ARFGEF1: variants seen among roughly 807,000 people sequenced by gnomAD.
The protein encoded by ARFGEF1 is ARF guanine nucleotide exchange factor 1.
Under a neutral mutation model 231.0 loss-of-function variants are expected in ARFGEF1, and 42 were observed. The observed-to-expected ratio is 0.18, with a 90% confidence interval of 0.14 to 0.24. The LOEUF (loss-of-function observed/expected upper bound fraction) is 0.24, where lower values mean the gene tolerates loss of function less well. ARFGEF1 is among the 10% of genes least tolerant of loss of function. ARFGEF1 has a pLI of 1.00. For missense variants in ARFGEF1, 1,345 were observed against 2,192.0 expected (o/e 0.61, Z 7.72); for synonymous variants, 710 against 732.3 (o/e 0.97, Z 0.49).
intron 16 of ARFGEF1, 46 bp downstream of exon 16, chr8:67,258,039 G>A: frequency 2.0e-6 from 3 of 1,517,516 alleles, no homozygotes; most frequent in African/African-American, 1.4e-5. Flanking sequence ...CTAGCACAGT[G>A]GTTTGGATAT....
chr8:67,273,843 T>C (rs779754966), intron 9 of ARFGEF1, among the ~76,000 whole-genome samples: 13 of 152,202 alleles, frequency 8.5e-5, no homozygotes, highest in Non-Finnish European at 1.6e-4. Context: ...CCTCCTGTTC[T>C]AGTCTTCCAA....
rs1805920786 is a variant in ARFGEF1 at position 67,289,617 on chromosome 8, G to C, written c.917-1552C>G. Among the ~76,000 whole-genome samples the C allele has an allele frequency of 3.3e-5, 5 of 149,708 alleles. No homozygotes were observed. In the South Asian group the frequency reaches 1.1e-3, roughly 32 times the overall value. On this transcript the variant is annotated intron_variant, in intron 6 of 38. Transcript: ENST00000262215. ...AAAAGGACCACTACTTATAATAGTG[G>C]CTTCTAGGTGCCTGTCCTCCCTATA...
intron 1 of ARFGEF1, among the ~76,000 whole-genome samples, chr8:67,331,988 A>T (rs1431771696): frequency 1.3e-5 from 2 of 152,226 alleles, no homozygotes. Flanking sequence ...AAACTCTGCA[A>T]GGGATTAATT....
intron 33 of ARFGEF1, among the ~76,000 whole-genome samples, chr8:67,212,711 G>T (rs1001093597): frequency 6.7e-6 from 1 of 150,302 alleles, no homozygotes; most frequent in Admixed American, 6.6e-5. Context: ...ATGGGCCTGT[G>T]TTACCAGAAA....
chr8:67,291,511 G>A (rs1806009301), intron 6 of ARFGEF1, among the ~76,000 whole-genome samples: 1 of 150,192 alleles, frequency 6.7e-6, no homozygotes. Flanking sequence ...TAGGTCACTT[G>A]TTTGCTATGA....
rs367655777 is a variant in ARFGEF1, at chr8:67,300,270, T to C, written c.313-915A>G. Among the ~76,000 whole-genome samples, 17 of 152,312 alleles carry C rather than the reference T, an allele frequency of 1.1e-4. 1 individual carries two copies. The East Asian group carries it at 2.7e-3, about 24-fold the overall frequency. On this transcript the variant is annotated intron_variant, in intron 3 of 38. Coordinates refer to ENST00000262215, the MANE Select transcript of ARFGEF1 (RefSeq NM_006421.5). ...AACCTATCCTTAAGGACAAATAATA[T>C]GGTCTTTTCCTAGCTACTGAATTAT...
At chr8:67,334,866 A>G (rs1440424204) in intron 1 of ARFGEF1, among the ~76,000 whole-genome samples, 1 of 152,188 alleles carries the variant, frequency 6.6e-6, no homozygotes, top group East Asian at 1.9e-4. Flanking sequence ...GACAGAAAAT[A>G]GATTAGTGAA....
In ARFGEF1 at chr8:67,217,933, A is replaced by G. The variant is rs765830972; in HGVS notation, c.4475-13T>C. ...AACTGCTCATTGTCTAGGAAAGAAA[A>G]GAGCAATTCATTTATATATTACCAG... On this transcript the variant is annotated splice_polypyrimidine_tract_variant and intron_variant, in intron 31 of 38. Transcript: ENST00000262215. 1 of 1,613,376 alleles carries G rather than the reference A, an allele frequency of 6.2e-7. No homozygotes were observed. Among genetic ancestry groups the G allele is most frequent in the Admixed American group, 1.7e-5 (1 of 59,970 alleles).
At chr8:67,342,131 T>C (rs185177836) in intron 1 of ARFGEF1, among the ~76,000 whole-genome samples, 2 of 152,354 alleles carry the variant, frequency 1.3e-5, no homozygotes, top group Admixed American at 6.5e-5. Flanking sequence ...CAAGCTTCCT[T>C]TTCTTGCCAA....
At chr8:67,283,221 C>T (rs1308539384) in intron 7 of ARFGEF1, among the ~76,000 whole-genome samples, 2 of 152,026 alleles carry the variant, frequency 1.3e-5, no homozygotes, top group African/African-American at 4.8e-5. Context: ...ATTCATACAC[C>T]TTGATCAAGC....
intron 5 of ARFGEF1, among the ~76,000 whole-genome samples, chr8:67,192,442 A>G (rs1836618210): frequency 6.6e-6 from 1 of 152,116 alleles, no homozygotes; most frequent in Non-Finnish European, 1.5e-5. Flanking sequence ...TTCTCACTAC[A>G]AGTCTAGTTA....
chr8:67,197,517 AG>A (rs1838101943), downstream of ARFGEF1: 2 of 635,130 alleles, frequency 3.1e-6, no homozygotes. Flanking sequence ...CAGTGTAAGG[AG>A]GATCTAATGC....
Position 67,253,528 on chromosome 8 carries a change from T to C in ARFGEF1, c.2621A>G (p.Tyr874Cys), listed in dbSNP as rs755810202. The change falls in exon 18 of 39, where the codon TAT (tyrosine) becomes TGT (cysteine). Residue 874 changes from tyrosine to cysteine, a missense_variant. Around this residue, in one of 14 missense-constraint regions of ARFGEF1, gnomAD observed 58 missense variants for 133.6 expected, o/e 0.43. Transcript: ENST00000262215. Reference sequence around the variant, plus strand: ...TATCTTTTTCCCAGCTATTTCATTATAGATGGCTGATAGATACTCTTCAGG... The same window carrying C: ...TATCTTTTTCCCAGCTATTTCATTACAGATGGCTGATAGATACTCTTCAGG... The part of the protein sequence containing the change: ...DLPEEYLSAI[Y>C]NEIAGKKISM... 1 of 1,586,644 alleles carries C rather than the reference T, an allele frequency of 6.3e-7. No homozygotes were observed.
At chr8:67,268,969 G>A (rs773193169) in intron 10 of ARFGEF1, among the ~76,000 whole-genome samples, 1 of 151,928 alleles carries the variant, frequency 6.6e-6, no homozygotes, top group Non-Finnish European at 1.5e-5. Flanking sequence ...AAGAGAGAGG[G>A]AAGAAAAAAT....
At chr8:67,246,575 A>G (rs1429858245) in intron 19 of ARFGEF1, among the ~76,000 whole-genome samples, 1 of 150,408 alleles carries the variant, frequency 6.6e-6, no homozygotes. Context: ...ATGAAGACAC[A>G]ACGTACCCAA....
intron 9 of ARFGEF1, 62 bp from the exon 10 acceptor site, chr8:67,271,998 TG>T: frequency 3.0e-6 from 3 of 1,004,794 alleles, no homozygotes; most frequent in Non-Finnish European, 2.9e-6. Flanking sequence ...AATAACAGGT[TG>T]TTCCAAAAAT....
intron 7 of ARFGEF1, among the ~76,000 whole-genome samples, chr8:67,286,130 G>A (rs1453974098): frequency 6.6e-6 from 1 of 152,196 alleles, no homozygotes; most frequent in Admixed American, 6.5e-5. Flanking sequence ...TCTTATTGGA[G>A]AAGATATATG....
In ARFGEF1 at chr8:67,267,240, T is replaced by C. The variant is rs1364300628; in HGVS notation, c.1673-10A>G. On this transcript the variant is annotated splice_polypyrimidine_tract_variant and intron_variant, in intron 11 of 38. Coordinates refer to ENST00000262215, the MANE Select transcript of ARFGEF1 (RefSeq NM_006421.5). ...ACTACACTCTGAGCATCTGTAACAA[T>C]ATAACATTAATTTCAACAAAGTACA... The C allele has an allele frequency of 6.2e-7, 1 of 1,610,240 alleles. No individual in the cohort carries two copies. The highest frequency in any genetic ancestry group is 1.1e-5 in the South Asian group (1 of 89,950).
At chr8:67,302,251 G>T (rs1806526101) in intron 2 of ARFGEF1, among the ~76,000 whole-genome samples, 185 bp downstream of exon 2, 2 of 151,698 alleles carry the variant, frequency 1.3e-5, no homozygotes, top group Non-Finnish European at 2.9e-5. Context: ...TAGGTTTTAA[G>T]AAATATAATT....
Sources: gnomAD v4.1 joint callset for allele counts (sites outside exome capture counted in the v4.1 genomes callset) on GRCh38, gnomAD v4.1.1 for gene constraint, gnomAD v4.1.1 regional missense constraint, MANE v1.5 for transcripts, NCBI Gene and HGNC (gene_info 2026-07-23, HGNC 2026-07-21) for gene names.